The following SLCO6A1 variants were observed in gnomAD, a reference collection of about 807,000 sequenced individuals.
The protein encoded by SLCO6A1 is cancer/testis antigen 48.
A neutral mutation model predicts 72.7 loss-of-function variants in SLCO6A1; 65 were observed. The ratio of observed to expected loss-of-function variants is 0.89; its 90% CI spans 0.73 to 1.10. SLCO6A1 has a LOEUF of 1.10. Among genes scored for constraint, SLCO6A1 ranks in the 50% least tolerant of loss-of-function variants. SLCO6A1 has a pLI of 0.00. For synonymous variants in SLCO6A1, 314 were observed against 298.2 expected (o/e 1.05, Z -0.55); for missense variants, 874 against 872.6 (o/e 1.00, Z -0.02).
chr5:102,401,184 G>GT (rs755003326), intron 9 of SLCO6A1, among the ~76,000 whole-genome samples: 3 of 151,558 alleles, frequency 2.0e-5, no homozygotes, highest in Non-Finnish European at 4.4e-5. Context: ...AATGTTTCAA[G>GT]TAAAAAAAAA....
chr5:102,408,178 C>T (rs1376897), intron 9 of SLCO6A1, among the ~76,000 whole-genome samples: 98,300 of 151,840 alleles, frequency 0.65, 32,013 homozygotes, highest in African/African-American at 0.67. Context: ...AAGAGATTAA[C>T]AATAACTATT....
At chr5:102,456,621 G>C (rs1750730823) in intron 6 of SLCO6A1, among the ~76,000 whole-genome samples, 1 of 152,100 alleles carries the variant, frequency 6.6e-6, no homozygotes, top group Non-Finnish European at 1.5e-5. Context: ...ACAAATGGAA[G>C]AACATTCCAT....
chr5:102,462,487 T>C (rs1293470453), intron 4 of SLCO6A1, among the ~76,000 whole-genome samples: 1 of 152,166 alleles, frequency 6.6e-6, no homozygotes, highest in Non-Finnish European at 1.5e-5. Flanking sequence ...CTTCAAAATG[T>C]ACTACAAGGC....
chr5:102,491,520 C>A (rs2112862282), intron 1 of SLCO6A1, among the ~76,000 whole-genome samples: 1 of 152,328 alleles, frequency 6.6e-6, no homozygotes, highest in Non-Finnish European at 1.5e-5. Flanking sequence ...GGCTGCAGGT[C>A]CCGAGCGCTG....
chr5:102,419,163 A>G (rs1213147234), intron 8 of SLCO6A1, among the ~76,000 whole-genome samples: 4 of 152,136 alleles, frequency 2.6e-5, no homozygotes, highest in Non-Finnish European at 5.9e-5. Context: ...TTTGGCCTTT[A>G]AATTCCTAGT....
chr5:102,405,953 C>A (rs1277282688), intron 9 of SLCO6A1, among the ~76,000 whole-genome samples: 3 of 151,934 alleles, frequency 2.0e-5, no homozygotes, highest in African/African-American at 7.2e-5. Context: ...TTTTATATTA[C>A]ACTATGTGCT....
intron 6 of SLCO6A1, among the ~76,000 whole-genome samples, chr5:102,458,074 G>A (rs1039279760): frequency 6.6e-6 from 1 of 152,034 alleles, no homozygotes; most frequent in Non-Finnish European, 1.5e-5. Context: ...ACACAGGAAG[G>A]GGAACATCAC....
At chr5:102,439,081 A>G (rs901360020) in intron 6 of SLCO6A1, among the ~76,000 whole-genome samples, 3 of 151,984 alleles carry the variant, frequency 2.0e-5, no homozygotes, top group Non-Finnish European at 4.4e-5. Context: ...AAATAGGTAA[A>G]TTATTAACCA....
At chr5:102,391,066 T>C (rs10073892) in intron 10 of SLCO6A1, 21 bp from the exon 11 acceptor site, 414,078 of 1,603,818 alleles carry the variant, frequency 0.26, 57,670 homozygotes, top group Middle Eastern at 0.28. Context: ...ATAGCAATGA[T>C]ATAATCAGCA....
chr5:102,392,965 C>T (rs1162127519), intron 10 of SLCO6A1, among the ~76,000 whole-genome samples: 2 of 152,110 alleles, frequency 1.3e-5, no homozygotes, highest in South Asian at 2.1e-4. Flanking sequence ...TTTGTTTACG[C>T]ACTTCTCAAG....
intron 1 of SLCO6A1, among the ~76,000 whole-genome samples, chr5:102,489,258 C>G (rs1168416513): frequency 2.0e-5 from 3 of 152,158 alleles, no homozygotes; most frequent in Non-Finnish European, 4.4e-5. Flanking sequence ...AGAAGGATGA[C>G]TCTCCTCTCC....
chr5:102,477,678 A>C lies in SLCO6A1; in HGVS notation c.800T>G (p.Leu267Ter). 6.2e-7 allele frequency: 1 copy of C among 1,610,382 alleles called. No individual in the cohort carries two copies. The highest frequency in any genetic ancestry group is 8.5e-7 in the Non-Finnish European group (1 of 1,178,538). Reference sequence around the variant, plus strand: ...GTAATAGAGGGGGTAAAACTTGCCTAAATAGATACCAGCTGAGTGTGTAGC... The same window carrying C: ...GTAATAGAGGGGGTAAAACTTGCCTCAATAGATACCAGCTGAGTGTGTAGC... Reference protein sequence around the residue: ...NVATHSAGIYLGIAECTSMIG... With the variant: ...NVATHSAGIY Residue 267 changes from leucine to a stop codon, truncating the protein, a stop_gained and splice_region_variant, in exon 3 of 14, where the codon TTA becomes TGA. Transcript: ENST00000506729. LOFTEE classifies it high-confidence loss of function.
At chr5:102,436,521 T>C (rs1377777579) in intron 7 of SLCO6A1, among the ~76,000 whole-genome samples, 1 of 152,166 alleles carries the variant, frequency 6.6e-6, no homozygotes, top group East Asian at 1.9e-4. Context: ...TAGATGTCTG[T>C]CTTGGGCATT....
intron 4 of SLCO6A1, among the ~76,000 whole-genome samples, chr5:102,461,448 C>A (rs1751034045): frequency 6.6e-6 from 1 of 151,960 alleles, no homozygotes; most frequent in Non-Finnish European, 1.5e-5. Context: ...AGTCATTTTG[C>A]AAACATAGCC....
At chr5:102,473,341 T>C (rs566789604) in intron 4 of SLCO6A1, among the ~76,000 whole-genome samples, 1 of 152,132 alleles carries the variant, frequency 6.6e-6, no homozygotes, top group South Asian at 2.1e-4. Flanking sequence ...ATCAGTGTAA[T>C]ACACCACATT....
chr5:102,413,605 T>G (rs72779958), intron 8 of SLCO6A1, among the ~76,000 whole-genome samples: 10,907 of 152,254 alleles, frequency 0.072, 451 homozygotes, highest in African/African-American at 0.1. Context: ...TATGGTCATA[T>G]GCTTCCATGT....
chr5:102,413,809 C>T (rs1318274976), intron 8 of SLCO6A1, among the ~76,000 whole-genome samples: 2 of 152,136 alleles, frequency 1.3e-5, no homozygotes, highest in East Asian at 1.9e-4. Context: ...GACATTTTAA[C>T]GGGGTGTAGT....
intron 13 of SLCO6A1, among the ~76,000 whole-genome samples, chr5:102,372,527 A>C (rs1317901402): frequency 2.0e-5 from 3 of 151,920 alleles, no homozygotes; most frequent in Non-Finnish European, 4.4e-5. Context: ...TTTAGCTTAA[A>C]AAATCTATAA....
chr5:102,421,685 C>A (rs867655946), intron 7 of SLCO6A1, among the ~76,000 whole-genome samples: 7 of 152,218 alleles, frequency 4.6e-5, no homozygotes, highest in Middle Eastern at 3.4e-3. Flanking sequence ...GGGGTGGCTG[C>A]GGGTGCAGCT....
Sources: allele counts gnomAD v4.1 joint callset (sites outside exome capture counted in the v4.1 genomes callset), GRCh38; gene constraint gnomAD v4.1.1; transcripts MANE v1.5; gene names NCBI Gene and HGNC (gene_info 2026-07-23, HGNC 2026-07-21).